The following PTPN22 variants were observed in gnomAD, a reference collection of about 807,000 sequenced individuals.
The protein encoded by PTPN22 is tyrosine-protein phosphatase non-receptor type 22.
PTPN22 carries 85 observed loss-of-function variants against 103.3 expected under a neutral mutation model. That is an observed-to-expected ratio of 0.82 (90% CI 0.69 to 0.99). PTPN22 has a LOEUF of 0.99. Ranked by LOEUF, PTPN22 falls within the 50% of genes least tolerant of loss-of-function variation. PTPN22 has a pLI of 0.00. For missense variants in PTPN22, 865 were observed against 936.9 expected (o/e 0.92, Z 1.00); for synonymous variants, 323 against 310.2 (o/e 1.04, Z -0.43).
At chr1:113,866,973 C>A (rs1375145348) in intron 1 of PTPN22, among the ~76,000 whole-genome samples, 2 of 152,162 alleles carry the variant, frequency 1.3e-5, no homozygotes, top group Non-Finnish European at 2.9e-5. Flanking sequence ...TCTTGAACTC[C>A]TGGACTCAAG....
upstream of PTPN22, chr1:113,871,729 A>G: frequency 2.2e-6 from 2 of 915,388 alleles, no homozygotes; most frequent in Non-Finnish European, 3.5e-6. Flanking sequence ...GCCTGAGCAG[A>G]GCATGCTGAA....
At chr1:113,842,429 A>G (rs1663633007) in intron 11 of PTPN22, among the ~76,000 whole-genome samples, 7 of 152,130 alleles carry the variant, frequency 4.6e-5, no homozygotes, top group Non-Finnish European at 1.5e-5. Context: ...TAATCCCAGC[A>G]CTTTGGGAGG....
intron 11 of PTPN22, among the ~76,000 whole-genome samples, chr1:113,842,081 A>G (rs1477290330): frequency 6.6e-6 from 1 of 152,044 alleles, no homozygotes; most frequent in East Asian, 1.9e-4. Flanking sequence ...GTGGTAGTGC[A>G]TACCTATAGT....
At chr1:113,853,154 T>G (rs1428770238) in intron 9 of PTPN22, among the ~76,000 whole-genome samples, 2 of 151,794 alleles carry the variant, frequency 1.3e-5, no homozygotes, top group Non-Finnish European at 2.9e-5. Flanking sequence ...GTCAGGCTGG[T>G]CTTGAACTCC....
At chr1:113,855,542 A>T (rs1406580451) in intron 7 of PTPN22, among the ~76,000 whole-genome samples, 4 of 150,944 alleles carry the variant, frequency 2.6e-5, no homozygotes, top group African/African-American at 4.9e-5. Flanking sequence ...AAATTATTTT[A>T]AAAATAGCCA....
chr1:113,832,432 C>G (rs1389949637), intron 16 of PTPN22, among the ~76,000 whole-genome samples: 3 of 152,120 alleles, frequency 2.0e-5, no homozygotes, highest in Non-Finnish European at 4.4e-5. Context: ...CCAGCTTTGG[C>G]CTCCCAAAGT....
At chr1:113,845,346 G>T (rs1035868115) in intron 11 of PTPN22, among the ~76,000 whole-genome samples, 2 of 151,650 alleles carry the variant, frequency 1.3e-5, no homozygotes, top group Non-Finnish European at 2.9e-5. Flanking sequence ...GGGATTACAG[G>T]TGCCCACCAC....
At position 113,859,097 on chromosome 1, in the gene PTPN22, A is replaced by G; in HGVS notation, c.197-19T>C. The G allele has an allele frequency of 1.9e-6, 3 of 1,612,316 alleles. No homozygotes were observed. Among genetic ancestry groups the G allele is most frequent in the Non-Finnish European group, 2.5e-6 (3 of 1,179,174 alleles). On this transcript the variant is annotated intron_variant, in intron 2 of 20. Transcript: ENST00000359785. ...TAATCATCTATAATACAAAAGACAG[A>G]CATAGTACAATTAAGAGGGCTTAGT...
At chr1:113,853,927 G>T (rs1455316707) in intron 9 of PTPN22, among the ~76,000 whole-genome samples, 1 of 134,920 alleles carries the variant, frequency 7.4e-6, no homozygotes, top group South Asian at 2.3e-4. Flanking sequence ...GTGCAGTGGC[G>T]CGATCTTGGC....
intron 7 of PTPN22, 104 bp from the exon 8 acceptor site, chr1:113,855,153 G>T: frequency 1.0e-6 from 1 of 1,000,828 alleles, no homozygotes; most frequent in Non-Finnish European, 1.5e-6. Context: ...TCAGTGGCAT[G>T]CATGCAACAA....
Position 113,865,288 on chromosome 1 carries a change from T to C in PTPN22, c.88-5828A>G, listed in dbSNP as rs143258336. On this transcript the variant is annotated intron_variant, in intron 1 of 20. Coordinates refer to ENST00000359785, the Ensembl canonical transcript of PTPN22. ...AATCCAATGAATGAAATTAACATAA[T>C]AAAGTACTATTTTATGCTAGTTATA... is the stretch of plus-strand genomic sequence containing the variant. Among the ~76,000 whole-genome samples the C allele has an allele frequency of 7.7e-3, 1,175 of 152,310 alleles. 17 individuals are homozygous for C. Among genetic ancestry groups the C allele is most frequent in the Middle Eastern group, 0.027 (8 of 294 alleles).
intron 13 of PTPN22, among the ~76,000 whole-genome samples, chr1:113,836,966 T>C (rs1260102050): frequency 6.6e-6 from 1 of 152,034 alleles, no homozygotes; most frequent in Non-Finnish European, 1.5e-5. Flanking sequence ...GAGCCTTTGA[T>C]ATACATTTCT....
chr1:113,842,774 C>T (rs1663670068), intron 11 of PTPN22, among the ~76,000 whole-genome samples: 1 of 151,980 alleles, frequency 6.6e-6, no homozygotes, highest in East Asian at 1.9e-4. Context: ...TAAAATGGCA[C>T]AGCTGCTATG....
chr1:113,837,758 T>G, exon 13 of PTPN22: 1 of 1,613,944 alleles, frequency 6.2e-7, no homozygotes, highest in South Asian at 1.1e-5. Flanking sequence ...AGAGACATCT[T>G]AGAACTGGTA....
chr1:113,821,449 G>C (rs2101881982), intron 19 of PTPN22, among the ~76,000 whole-genome samples: 1 of 152,222 alleles, frequency 6.6e-6, no homozygotes, highest in Non-Finnish European at 1.5e-5. Context: ...AGCCTCCCGA[G>C]GACCTGGGAC....
At chr1:113,829,594 T>C (rs1454290602) in exon 18 of PTPN22, 1 of 1,571,144 alleles carries the variant, frequency 6.4e-7, no homozygotes, top group Non-Finnish European at 8.7e-7. Flanking sequence ...TTCTTTACCT[T>C]ACTCCTTGTG....
At position 113,861,620 on chromosome 1, in the gene PTPN22, C is replaced by T. The variant is rs113363026; in HGVS notation, c.88-2160G>A. ...TCTTGAACTCCTGACCTCAAGTGATCCCCCCACCTCGGCCTCCCAAAGTGC... is the reference window on the plus strand; with the variant it reads ...TCTTGAACTCCTGACCTCAAGTGATTCCCCCACCTCGGCCTCCCAAAGTGC... On this transcript the variant is annotated intron_variant, in intron 1 of 20. Transcript: ENST00000359785. 6.0e-3 allele frequency among the ~76,000 whole-genome samples: 918 copies of T among 151,980 alleles called. 8 individuals are homozygous for T. Among genetic ancestry groups the T allele is most frequent in the African/African-American group, 0.021 (867 of 41,448 alleles).
chr1:113,825,144 T>A (rs1661941487), exon 19 of PTPN22: 1 of 1,506,370 alleles, frequency 6.6e-7, no homozygotes, highest in South Asian at 1.2e-5. Flanking sequence ...CAACTTACTC[T>A]TTTTCATGTT....
At chr1:113,833,181 T>C in intron 15 of PTPN22, 43 bp from the exon 16 acceptor site, 1 of 1,446,824 alleles carries the variant, frequency 6.9e-7, no homozygotes, top group Non-Finnish European at 9.5e-7. Flanking sequence ...AGAATATGTA[T>C]ACAAATTATA....
Sources: allele counts gnomAD v4.1 joint callset (sites outside exome capture counted in the v4.1 genomes callset), GRCh38; gene constraint gnomAD v4.1.1; transcripts MANE v1.5; gene names NCBI Gene and HGNC (gene_info 2026-07-23, HGNC 2026-07-21).